LHFPL6: variants seen among roughly 807,000 people sequenced by gnomAD.
The protein encoded by LHFPL6 is LHFPL tetraspan subfamily member 6, also known as LHFPL tetraspan subfamily member 6 protein.
In LHFPL6, 9 loss-of-function variants were observed where a neutral mutation model predicts 20.6. The ratio of observed to expected loss-of-function variants is 0.44; its 90% confidence interval spans 0.26 to 0.76. The LOEUF is 0.76. Ranked by LOEUF, LHFPL6 falls within the 30% of genes least tolerant of loss-of-function variation. The probability of loss-of-function intolerance (pLI) is 0.20; values close to 1 mark genes in which losing one functional copy is unlikely to be tolerated. For missense variants in LHFPL6, 218 were observed against 253.5 expected (o/e 0.86, Z 0.95); for synonymous variants, 105 against 98.7 (o/e 1.06, Z -0.38).
intron 2 of LHFPL6, among the ~76,000 whole-genome samples, chr13:39,437,341 C>T (rs1162384522): frequency 1.3e-5 from 2 of 152,110 alleles, no homozygotes; most frequent in Non-Finnish European, 2.9e-5. Context: ...CACCATCACC[C>T]TTGGTGCTGT....
chr13:39,505,043 T>A (rs191256865), intron 2 of LHFPL6, among the ~76,000 whole-genome samples: 2 of 152,316 alleles, frequency 1.3e-5, no homozygotes, highest in African/African-American at 4.8e-5. Context: ...CCCCAAAGCT[T>A]AGGCTTCTTT....
At chr13:39,496,939 T>C (rs1869120759) in intron 2 of LHFPL6, among the ~76,000 whole-genome samples, 1 of 152,158 alleles carries the variant, frequency 6.6e-6, no homozygotes, top group Admixed American at 6.5e-5. Context: ...TGCAGGTGGC[T>C]CCATGAAACC....
intron 2 of LHFPL6, among the ~76,000 whole-genome samples, chr13:39,479,915 A>G (rs1868446880): frequency 6.6e-6 from 1 of 152,242 alleles, no homozygotes; most frequent in Non-Finnish European, 1.5e-5. Flanking sequence ...ACCCCCGAAC[A>G]GCCAAGAAAC....
intron 2 of LHFPL6, among the ~76,000 whole-genome samples, chr13:39,407,576 C>G (rs919317377): frequency 1.3e-5 from 2 of 152,090 alleles, no homozygotes; most frequent in Admixed American, 6.5e-5. Context: ...AGGAAAATGA[C>G]TTAGAAATGC....
Position 39,402,816 on chromosome 13 carries a change from G to T in LHFPL6, c.386-24290C>A, listed in dbSNP as rs542256832. Among the ~76,000 whole-genome samples the T allele has an allele frequency of 2.0e-5, 3 of 152,350 alleles. No individual in the cohort carries two copies. The South Asian group carries it at 6.2e-4, about 32-fold the overall frequency. On this transcript the variant is annotated intron_variant, in intron 2 of 3. Coordinates refer to ENST00000379589, the MANE Select transcript of LHFPL6 (RefSeq NM_005780.3). ...GAATGGCATAAAGGCGTAGCCAGCA[G>T]CTTAATCTATGTAATCCAGCAGTAT...
chr13:39,414,070 G>A (rs1279289222), intron 2 of LHFPL6, among the ~76,000 whole-genome samples: 1 of 152,076 alleles, frequency 6.6e-6, no homozygotes, highest in East Asian at 1.9e-4. Context: ...ACTGTTCATA[G>A]GCATTTGGAC....
In LHFPL6 at chr13:39,343,603, TTGTGTGTGTGTGTGTGTG is replaced by T. The variant is rs67172252; in HGVS notation, c.*315_*332del. 137 of 195,142 alleles carry T rather than the reference TTGTGTGTGTGTGTGTGTG, an allele frequency of 7.0e-4. No homozygotes were observed. Among genetic ancestry groups the T allele is most frequent in the South Asian group, 5.3e-3 (23 of 4,312 alleles). 12.1% of individuals were successfully genotyped at this position (195,142 alleles called of 1,614,324 possible). ...ACCCTTGTTTGTATATGTAGATTTG[TTGTGTGTGTGTGTGTGTG>T]TGTGTGTGTGTGTGTGTGTGTGTGT... On this transcript the variant is annotated 3_prime_UTR_variant, in exon 4 of 4. Coordinates refer to ENST00000379589, the MANE Select transcript of LHFPL6 (RefSeq NM_005780.3).
At chr13:39,537,609 C>T (rs1870661258) in intron 2 of LHFPL6, among the ~76,000 whole-genome samples, 1 of 152,180 alleles carries the variant, frequency 6.6e-6, no homozygotes, top group Non-Finnish European at 1.5e-5. Context: ...ACAAGTCCTT[C>T]AGATTTCTTT....
chr13:39,530,952 C>T (rs1256739819), intron 2 of LHFPL6, among the ~76,000 whole-genome samples: 4 of 144,730 alleles, frequency 2.8e-5, no homozygotes, highest in African/African-American at 1.0e-4. Flanking sequence ...ACCGAGATCA[C>T]TACCTCCAGC....
intron 2 of LHFPL6, among the ~76,000 whole-genome samples, chr13:39,476,089 T>C (rs1187120460): frequency 6.6e-6 from 1 of 152,252 alleles, no homozygotes; most frequent in Non-Finnish European, 1.5e-5. Flanking sequence ...GAGTATTTAC[T>C]ATTTCTATAA....
chr13:39,343,907 C>T lies in LHFPL6; in HGVS notation c.*29G>A, dbSNP rs1270635438. ...TCTCCAAGCCCCTTTGGCCCATCTT[C>T]TCCTCTGTCTGCTCTTGGTAGCTCC... On this transcript the variant is annotated 3_prime_UTR_variant, in exon 4 of 4. Transcript: ENST00000379589. The T allele has an allele frequency of 1.9e-6, 3 of 1,584,696 alleles. No individual in the cohort carries two copies. The highest frequency in any genetic ancestry group is 3.3e-5 in the Admixed American group (2 of 59,786).
At chr13:39,558,781 C>T (rs1871385305) in intron 2 of LHFPL6, among the ~76,000 whole-genome samples, 1 of 152,190 alleles carries the variant, frequency 6.6e-6, no homozygotes, top group Non-Finnish European at 1.5e-5. Flanking sequence ...GCAGGATACC[C>T]TATTTTAGGA....
At chr13:39,386,386 A>G (rs965641861) in intron 2 of LHFPL6, among the ~76,000 whole-genome samples, 1 of 152,224 alleles carries the variant, frequency 6.6e-6, no homozygotes, top group Non-Finnish European at 1.5e-5. Context: ...CTACAAAAAA[A>G]AAGGCTTGGT....
intron 2 of LHFPL6, among the ~76,000 whole-genome samples, chr13:39,403,313 A>C (rs1871037566): frequency 1.3e-5 from 2 of 152,198 alleles, no homozygotes; most frequent in African/African-American, 4.8e-5. Flanking sequence ...GTGTTCTATA[A>C]ATAGGCAAGA....
chr13:39,351,962 C>A (rs150371848), intron 3 of LHFPL6, among the ~76,000 whole-genome samples: 1 of 152,244 alleles, frequency 6.6e-6, no homozygotes, highest in African/African-American at 2.4e-5. Context: ...GCCTGATTTG[C>A]GAATTGTTCA....
At chr13:39,353,334 G>A (rs543423542) in intron 3 of LHFPL6, among the ~76,000 whole-genome samples, 1 of 152,018 alleles carries the variant, frequency 6.6e-6, no homozygotes, top group South Asian at 2.1e-4. Context: ...TTTGTCATAT[G>A]CCTATAAAGA....
intron 2 of LHFPL6, among the ~76,000 whole-genome samples, chr13:39,508,835 C>T (rs1869584770): frequency 6.6e-6 from 1 of 152,154 alleles, no homozygotes; most frequent in East Asian, 1.9e-4. Flanking sequence ...AATACATGCT[C>T]TCATTTCTCT....
intron 2 of LHFPL6, among the ~76,000 whole-genome samples, chr13:39,508,072 G>A (rs1056186027): frequency 6.6e-6 from 1 of 150,930 alleles, no homozygotes; most frequent in Admixed American, 6.6e-5. Context: ...CCAGGCTAGA[G>A]TGCAATGGCG....
Position 39,563,091 on chromosome 13 carries a change from A to AACACACACAC in LHFPL6, c.385+37731_385+37740dup, listed in dbSNP as rs60324329. 7.8e-3 allele frequency among the ~76,000 whole-genome samples: 1,060 copies of AACACACACAC among 135,826 alleles called. 16 individuals are homozygous for AACACACACAC. The highest frequency in any genetic ancestry group is 9.7e-3 in the Non-Finnish European group (614 of 63,314). 89.1% of individuals were successfully genotyped at this position (135,826 alleles called of 152,430 possible). A position where few individuals can be genotyped will look rare whatever the true frequency, so the allele number is the denominator to read the frequency against. Reference sequence around the variant, plus strand: ...ATAAAGGTCATGGGGCAATACTAGAAACACACACACACACACACACACACA... The same window carrying AACACACACAC: ...ATAAAGGTCATGGGGCAATACTAGAAACACACACACACACACACACACACACACACACACA... On this transcript the variant is annotated intron_variant, in intron 2 of 3. Coordinates refer to ENST00000379589, the MANE Select transcript of LHFPL6 (RefSeq NM_005780.3).
Sources: gnomAD v4.1 joint callset for allele counts (sites outside exome capture counted in the v4.1 genomes callset) on GRCh38, gnomAD v4.1.1 for gene constraint, MANE v1.5 for transcripts, NCBI Gene and HGNC (gene_info 2026-07-23, HGNC 2026-07-21) for gene names.